IGSF3: variants seen among roughly 807,000 people sequenced by gnomAD.
IGSF3 encodes glu-Trp-Ile EWI motif-containing protein 3.
A neutral mutation model predicts 114.4 loss-of-function variants in IGSF3; 23 were observed. The observed-to-expected ratio is 0.20, with a 90% CI of 0.14 to 0.28. The LOEUF is 0.28. IGSF3 is among the 10% of genes least tolerant of loss of function. The probability of loss-of-function intolerance (pLI) is 1.00; values close to 1 mark genes in which losing one functional copy is unlikely to be tolerated. For synonymous variants in IGSF3, 571 were observed against 645.2 expected (o/e 0.88, Z 1.74); for missense variants, 1,172 against 1,591.5 (o/e 0.74, Z 4.48).
rs938232033 is a variant in IGSF3, at chr1:116,665,738, G to A, written c.43+546C>T. 2.0e-5 allele frequency among the ~76,000 whole-genome samples: 3 copies of A among 152,126 alleles called. No homozygotes were observed. On this transcript the variant is annotated intron_variant, in intron 2 of 10. Coordinates refer to ENST00000369486, the MANE Select transcript of IGSF3 (RefSeq NM_001007237.3). This position sits in a 1 kb window ranked among gnomAD's most constrained non-coding sequence, Gnocchi z 4.0. ...CTACGATCTAAGCTTCCTTGGTGAG[G>A]AGACACAGGACTAGTGCCCTCACAT...
chr1:116,619,314 C>T (rs1270300444), intron 2 of IGSF3, among the ~76,000 whole-genome samples: 3 of 152,182 alleles, frequency 2.0e-5, no homozygotes, highest in African/African-American at 4.8e-5. Context: ...CAAAGGCACT[C>T]GGCCAGCGGA....
At chr1:116,639,931 G>T (rs1393491002) in intron 2 of IGSF3, among the ~76,000 whole-genome samples, 1 of 151,740 alleles carries the variant, frequency 6.6e-6, no homozygotes, top group South Asian at 2.1e-4. Flanking sequence ...CTACTCAGGA[G>T]GCTGAGGCAG....
intron 2 of IGSF3, among the ~76,000 whole-genome samples, chr1:116,659,985 C>T (rs530857519): frequency 2.6e-5 from 4 of 152,254 alleles, no homozygotes; most frequent in Non-Finnish European, 4.4e-5. Flanking sequence ...AGCCAGGGAC[C>T]ACGAGAGGTC....
chr1:116,666,418 G>A lies in IGSF3; in HGVS notation c.-92C>T. On this transcript the variant is annotated 5_prime_UTR_variant, in exon 2 of 11. Transcript: ENST00000369486. ...CTGGCAATCCACTTATAGCTCCAGAGAACAGTTTTGGAAATAGAACTTAAC... is the reference window on the plus strand; with the variant it reads ...CTGGCAATCCACTTATAGCTCCAGAAAACAGTTTTGGAAATAGAACTTAAC... 1.7e-6 allele frequency: 2 copies of A among 1,187,418 alleles called. No individual in the cohort carries two copies. Among genetic ancestry groups the A allele is most frequent in the Non-Finnish European group, 2.5e-6 (2 of 792,872 alleles). The allele number at this position is 1,187,418 out of a possible 1,614,324, so 73.6% of individuals were successfully genotyped here. A position where few individuals can be genotyped will look rare whatever the true frequency, so the allele number is the denominator to read the frequency against.
rs183450690 is a variant in IGSF3 at position 116,634,500 on chromosome 1, A to T, written c.44-18043T>A. 4.8e-3 allele frequency among the ~76,000 whole-genome samples: 734 copies of T among 151,972 alleles called. 2 individuals are homozygous for T. The highest frequency in any genetic ancestry group is 0.017 in the African/African-American group (687 of 41,508). The stretch of plus-strand genomic sequence containing the variant: ...CCTCTCTCCCTGCCCACATCTCCTC[A>T]GTCACTCGCTGCCTCCTCTCTTGCT... On this transcript the variant is annotated intron_variant, in intron 2 of 10. Transcript: ENST00000369486. The surrounding 1 kb of genome is among the most constrained non-coding windows in gnomAD (Gnocchi z 4.2).
rs1475499149 is a variant in IGSF3 at position 116,657,234 on chromosome 1, C to T, written c.43+9050G>A. Among the ~76,000 whole-genome samples the T allele has an allele frequency of 1.3e-5, 2 of 152,138 alleles. No individual in the cohort carries two copies. The highest frequency in any genetic ancestry group is 2.9e-5 in the Non-Finnish European group (2 of 68,022). ...TGACCCACAGCAAATGATGGCTGCTCAACTCTGCATCTCCTTTCCTCTCCC... is the reference window on the plus strand; with the variant it reads ...TGACCCACAGCAAATGATGGCTGCTTAACTCTGCATCTCCTTTCCTCTCCC... On this transcript the variant is annotated intron_variant, in intron 2 of 10. Coordinates refer to ENST00000369486, the MANE Select transcript of IGSF3 (RefSeq NM_001007237.3). This position sits in a 1 kb window ranked among gnomAD's most constrained non-coding sequence, Gnocchi z 4.2.
rs1034233631 is a variant in IGSF3, at chr1:116,642,784, G to A, written c.43+23500C>T. ...CATCAATCACCGCTGCTGCTCGCTG[G>A]GACTTGGAAGCACACAGTAGTAGCA... On this transcript the variant is annotated intron_variant, in intron 2 of 10. Transcript: ENST00000369486. The surrounding 1 kb of genome is among the most constrained non-coding windows in gnomAD (Gnocchi z 5.4). Among the ~76,000 whole-genome samples the A allele has an allele frequency of 6.6e-6, 1 of 152,216 alleles. No individual in the cohort carries two copies. The highest frequency in any genetic ancestry group is 1.5e-5 in the Non-Finnish European group (1 of 68,040).
intron 2 of IGSF3, among the ~76,000 whole-genome samples, chr1:116,631,057 G>A (rs541742216): frequency 1.1e-4 from 16 of 152,214 alleles, no homozygotes; most frequent in Non-Finnish European, 1.3e-4. Flanking sequence ...GGTGGCTCAC[G>A]CCTGTAATCC....
At position 116,628,921 on chromosome 1, in the gene IGSF3, T is replaced by A. The variant is rs1189520596; in HGVS notation, c.44-12464A>T. ...CTAGGGAGGCACAGATAAGCCAGCA[T>A]CACAGATGCAAAAATAACAGAACTG... On this transcript the variant is annotated intron_variant, in intron 2 of 10. Transcript: ENST00000369486. The surrounding 1 kb of genome is among the most constrained non-coding windows in gnomAD (Gnocchi z 4.2). 6.6e-6 allele frequency among the ~76,000 whole-genome samples: 1 copy of A among 152,200 alleles called. No individual in the cohort carries two copies. The highest frequency in any genetic ancestry group is 1.5e-5 in the Non-Finnish European group (1 of 68,044).
rs1648898448 is a variant in IGSF3, at chr1:116,657,273, C to T, written c.43+9011G>A. ...CTTTCCTCTCCCTGATGAAAAGTGC[C>T]ACCTAGCAAGGTCAATCAAGGTCAC... is the stretch of plus-strand genomic sequence containing the variant. On this transcript the variant is annotated intron_variant, in intron 2 of 10. Coordinates refer to ENST00000369486, the MANE Select transcript of IGSF3 (RefSeq NM_001007237.3). The surrounding 1 kb of genome is among the most constrained non-coding windows in gnomAD (Gnocchi z 4.2). Among the ~76,000 whole-genome samples, 1 of 152,146 alleles carries T rather than the reference C, an allele frequency of 6.6e-6. No individual in the cohort carries two copies. Among genetic ancestry groups the T allele is most frequent in the Non-Finnish European group, 1.5e-5 (1 of 68,042 alleles).
chr1:116,663,542 T>C (rs981692967), intron 2 of IGSF3, among the ~76,000 whole-genome samples: 2 of 150,496 alleles, frequency 1.3e-5, no homozygotes, highest in African/African-American at 2.4e-5. Flanking sequence ...GTGAGGCACC[T>C]AGGGTTAGGA....
At chr1:116,653,681 A>T (rs955575386) in intron 2 of IGSF3, among the ~76,000 whole-genome samples, 1 of 152,168 alleles carries the variant, frequency 6.6e-6, no homozygotes, top group Non-Finnish European at 1.5e-5. Flanking sequence ...TCTTCCCTCT[A>T]GGACAATTCA....
chr1:116,598,577 C>A lies in IGSF3; in HGVS notation c.2029+1364G>T, dbSNP rs571467821. On this transcript the variant is annotated intron_variant, in intron 7 of 10. Coordinates refer to ENST00000369486, the MANE Select transcript of IGSF3 (RefSeq NM_001007237.3). This position sits in a 1 kb window ranked among gnomAD's most constrained non-coding sequence, Gnocchi z 4.3. ...CAAAGGTTACCATTATTTAACCTCA[C>A]GTTGCTGAAAACGACACTGTGGCCA... Among the ~76,000 whole-genome samples the A allele has an allele frequency of 6.6e-6, 1 of 152,290 alleles. No homozygotes were observed. Among genetic ancestry groups the A allele is most frequent in the African/African-American group, 2.4e-5 (1 of 41,560 alleles).
At position 116,574,418 on chromosome 1, in the gene IGSF3, A is replaced by C. The variant is rs1056069891; in HGVS notation, c.*2894T>G. The stretch of plus-strand genomic sequence containing the variant: ...AAATGTAAACAGCCGTATTTTCAAC[A>C]TAATTTACTACAGGTCTCTGAAGTG... On this transcript the variant is annotated 3_prime_UTR_variant, in exon 11 of 11. Coordinates refer to ENST00000369486, the MANE Select transcript of IGSF3 (RefSeq NM_001007237.3). The surrounding 1 kb of genome is among the most constrained non-coding windows in gnomAD (Gnocchi z 5.2). The C allele has an allele frequency of 1.3e-5, 2 of 152,650 alleles. No homozygotes were observed. Among genetic ancestry groups the C allele is most frequent in the African/African-American group, 2.4e-5 (1 of 41,446 alleles). The allele number at this position is 152,650 out of a possible 1,614,324, so 9.5% of individuals were successfully genotyped here. A position where few individuals can be genotyped will look rare whatever the true frequency, so the allele number is the denominator to read the frequency against.
In IGSF3 at chr1:116,616,478, C is replaced by T. The variant is rs3965248; in HGVS notation, c.44-21G>A. 2.2e-5 allele frequency: 34 copies of T among 1,575,350 alleles called. No individual in the cohort carries two copies. The highest frequency in any genetic ancestry group is 2.9e-5 in the Non-Finnish European group (33 of 1,155,706). ...CACACCTACGAGGGAGAGAAACACACACAACATGCTTACTTACTTCTCAGA... is the reference window on the plus strand; with the variant it reads ...CACACCTACGAGGGAGAGAAACACATACAACATGCTTACTTACTTCTCAGA... On this transcript the variant is annotated intron_variant, in intron 2 of 10. Transcript: ENST00000369486. This position sits in a 1 kb window ranked among gnomAD's most constrained non-coding sequence, Gnocchi z 6.6.
In IGSF3 at chr1:116,579,442, C is replaced by T. The variant is rs144889330; in HGVS notation, c.3284G>A (p.Arg1095Gln). The change falls in exon 10 of 11, where the codon CGG becomes CAG. Residue 1095 changes from arginine to glutamine, a missense_variant. Around this residue, in one of 3 missense-constraint regions of IGSF3, gnomAD observed 423 missense variants for 509.8 expected, o/e 0.83. Transcript: ENST00000369486. This position sits in a 1 kb window ranked among gnomAD's most constrained non-coding sequence, Gnocchi z 6.4. ...WLPSPQKEWYRLTEEESAPIG... is the reference protein window; with the variant it reads ...WLPSPQKEWYQLTEEESAPIG... ...GGGGGCTGACTCCTCCTCCGTCAGC[C>T]GGTACCATTCCTTCTGAGGGCTGGG... is the stretch of plus-strand genomic sequence containing the variant. 8.0e-5 allele frequency: 129 copies of T among 1,608,696 alleles called. No individual in the cohort carries two copies. Among genetic ancestry groups the T allele is most frequent in the Admixed American group, 3.0e-4 (18 of 59,598 alleles).
rs1417711873 is a variant in IGSF3 at position 116,654,099 on chromosome 1, C to A, written c.43+12185G>T. On this transcript the variant is annotated intron_variant, in intron 2 of 10. Transcript: ENST00000369486. The surrounding 1 kb of genome is among the most constrained non-coding windows in gnomAD (Gnocchi z 4.4). ...TCTGCACCATCATTCCTCACACTAA[C>A]AAACATGTCCATCTATGTGAAGCAG... 6.6e-6 allele frequency among the ~76,000 whole-genome samples: 1 copy of A among 152,244 alleles called. No homozygotes were observed. The highest frequency in any genetic ancestry group is 2.4e-5 in the African/African-American group (1 of 41,472).
chr1:116,582,174 C>T lies in IGSF3; in HGVS notation c.2849-2297G>A, dbSNP rs990337915. Among the ~76,000 whole-genome samples the T allele has an allele frequency of 6.6e-6, 1 of 152,242 alleles. No homozygotes were observed. The highest frequency in any genetic ancestry group is 2.4e-5 in the African/African-American group (1 of 41,472). ...TAATTTCCACCTTCCCACAATCTCT[C>T]TCCCCTTAACATGTTTCTCTACCAA... is the stretch of plus-strand genomic sequence containing the variant. On this transcript the variant is annotated intron_variant, in intron 9 of 10. Transcript: ENST00000369486. The surrounding 1 kb of genome is among the most constrained non-coding windows in gnomAD (Gnocchi z 4.7).
chr1:116,620,589 A>C (rs531525029), intron 2 of IGSF3, among the ~76,000 whole-genome samples: 3 of 152,304 alleles, frequency 2.0e-5, no homozygotes, highest in African/African-American at 7.2e-5. Context: ...AAAGACAAGC[A>C]TGATGTTATG....
Sources: gnomAD v4.1 joint callset for allele counts (sites outside exome capture counted in the v4.1 genomes callset) on GRCh38, gnomAD v4.1.1 for gene constraint, gnomAD v4.1.1 regional missense constraint, Gnocchi (gnomAD v3.1) non-coding constraint, MANE v1.5 for transcripts, NCBI Gene and HGNC (gene_info 2026-07-23, HGNC 2026-07-21) for gene names.